Variants in RELN observed in about 807,000 individuals in gnomAD.
The protein encoded by RELN is reelin.
Under a neutral mutation model 427.6 loss-of-function variants are expected in RELN, and 108 were observed. The observed-to-expected ratio is 0.25, with a 90% CI of 0.22 to 0.30. The LOEUF (loss-of-function observed/expected upper bound fraction) is 0.30. RELN is among the 10% of genes least tolerant of loss of function. RELN has a pLI of 1.00. For missense variants in RELN, 3,715 were observed against 4,302.8 expected, an observed-to-expected ratio of 0.86 and a Z score of 3.82; for synonymous variants, 1,524 against 1,513.4, an observed-to-expected ratio of 1.01 and a Z score of -0.16.
intron 2 of RELN, among the ~76,000 whole-genome samples, chr7:103,890,065 A>C (rs2237646): frequency 0.27 from 41,497 of 151,928 alleles, 5,909 homozygotes; most frequent in East Asian, 0.4. Context: ...CAGCCCTTCC[A>C]TGGCACCTCT....
intron 3 of RELN, among the ~76,000 whole-genome samples, chr7:103,789,588 A>G (rs1792106834): frequency 6.6e-6 from 1 of 152,236 alleles, no homozygotes. Context: ...AAAAAAGCTC[A>G]TCATCACTGG....
At chr7:103,688,226 G>A (rs1348658120) in intron 10 of RELN, among the ~76,000 whole-genome samples, 3 of 151,994 alleles carry the variant, frequency 2.0e-5, no homozygotes, top group Admixed American at 1.3e-4. Context: ...TGGGAACATG[G>A]GCTAGCCACA....
At chr7:103,853,320 ATT>A (rs773341729) in intron 2 of RELN, among the ~76,000 whole-genome samples, 10 of 152,186 alleles carry the variant, frequency 6.6e-5, no homozygotes, top group Non-Finnish European at 8.8e-5. Flanking sequence ...TGTAAATTTA[ATT>A]TTGTTTCTCC....
intron 28 of RELN, among the ~76,000 whole-genome samples, chr7:103,579,599 C>CA (rs34750174): frequency 0.061 from 3,945 of 64,650 alleles, 125 homozygotes; most frequent in African/African-American, 0.13. Flanking sequence ...ACTCCATCTC[C>CA]AAAAAAAAAA....
At chr7:103,905,742 T>C (rs1795190072) in intron 2 of RELN, among the ~76,000 whole-genome samples, 1 of 150,702 alleles carries the variant, frequency 6.6e-6, no homozygotes, top group African/African-American at 2.4e-5. Flanking sequence ...AGGTTATCTC[T>C]TTGTCTTCGA....
At chr7:103,850,452 G>A (rs1056969121) in intron 2 of RELN, among the ~76,000 whole-genome samples, 3 of 152,172 alleles carry the variant, frequency 2.0e-5, no homozygotes, top group East Asian at 1.9e-4. Context: ...CTGGGAGCTC[G>A]CTGGGTTGCC....
chr7:103,989,522 C>A lies in RELN; in HGVS notation c.-166G>T. On this transcript the variant is annotated 5_prime_UTR_variant, in exon 1 of 65. Coordinates refer to ENST00000428762, the MANE Select transcript of RELN (RefSeq NM_005045.4). The surrounding 1 kb of genome is among the most constrained non-coding windows in gnomAD (Gnocchi z 4.9). ...GGGAGCGGGCCCCCGCCGAGAAGTT[C>A]CGCGGGAGACGGCGGCTCCCAAAGT... 3.8e-6 allele frequency: 2 copies of A among 530,768 alleles called. No homozygotes were observed. Among genetic ancestry groups the A allele is most frequent in the South Asian group, 5.3e-5 (1 of 18,726 alleles). The allele number at this position is 530,768 out of a possible 1,614,324, so 32.9% of individuals were successfully genotyped here.
At chr7:103,645,350 A>G (rs1266203658) in intron 16 of RELN, among the ~76,000 whole-genome samples, 1 of 151,848 alleles carries the variant, frequency 6.6e-6, no homozygotes, top group African/African-American at 2.4e-5. Flanking sequence ...ATGGATTAAA[A>G]AACACAATCC....
chr7:103,949,382 T>TA (rs11374878), intron 1 of RELN, among the ~76,000 whole-genome samples: 77,024 of 148,842 alleles, frequency 0.52, 20,106 homozygotes, highest in East Asian at 0.71. Context: ...ACTTTGAACT[T>TA]AAAAAAAAAA....
chr7:103,702,400 A>C (rs1429868774), intron 8 of RELN, among the ~76,000 whole-genome samples: 3 of 152,240 alleles, frequency 2.0e-5, no homozygotes, highest in Non-Finnish European at 2.9e-5. Context: ...AAGCAAATGT[A>C]TAAGGTAAAT....
chr7:103,979,043 G>A (rs140346168), intron 1 of RELN, among the ~76,000 whole-genome samples: 31 of 152,290 alleles, frequency 2.0e-4, no homozygotes, highest in African/African-American at 7.5e-4. Flanking sequence ...TTTTGGTGAT[G>A]TTTGTATAAA....
chr7:103,472,643 A>G lies in RELN; in HGVS notation c.*169T>C, dbSNP rs1827892648. 3 of 622,732 alleles carry G rather than the reference A, an allele frequency of 4.8e-6. No individual in the cohort carries two copies. The highest frequency in any genetic ancestry group is 8.7e-6 in the Non-Finnish European group (3 of 344,724). 38.6% of individuals were successfully genotyped at this position (622,732 alleles called of 1,614,324 possible). ...CTTATGAGCAAATAAGTCACTTGTCATTAGTTCACAGTGTGGGAAAGTGGT... is the reference window on the plus strand; with the variant it reads ...CTTATGAGCAAATAAGTCACTTGTCGTTAGTTCACAGTGTGGGAAAGTGGT... On this transcript the variant is annotated 3_prime_UTR_variant, in exon 65 of 65. Transcript: ENST00000428762.
At chr7:103,963,413 A>C (rs1796601607) in intron 1 of RELN, among the ~76,000 whole-genome samples, 1 of 152,172 alleles carries the variant, frequency 6.6e-6, no homozygotes. Context: ...GGCTTAATGA[A>C]GTTCACTTCA....
chr7:103,835,952 CCCT>C (rs1793390699), intron 2 of RELN, among the ~76,000 whole-genome samples: 1 of 117,962 alleles, frequency 8.5e-6, no homozygotes, highest in Admixed American at 8.5e-5. Flanking sequence ...CTCTCAATTA[CCCT>C]TTTTTTTTTT....
At chr7:103,870,983 C>T (rs1029109205) in intron 2 of RELN, among the ~76,000 whole-genome samples, 1 of 152,126 alleles carries the variant, frequency 6.6e-6, no homozygotes, top group Non-Finnish European at 1.5e-5. Context: ...CTCCTGCTCA[C>T]TGCTCTGCAG....
chr7:103,555,236 C>T (rs1229225045), intron 38 of RELN, among the ~76,000 whole-genome samples: 2 of 152,040 alleles, frequency 1.3e-5, no homozygotes, highest in African/African-American at 4.8e-5. Context: ...TAAGTCCATG[C>T]CAAGCAGGAA....
chr7:103,908,011 T>C (rs1795255605), intron 2 of RELN, among the ~76,000 whole-genome samples: 1 of 152,224 alleles, frequency 6.6e-6, no homozygotes, highest in African/African-American at 2.4e-5. Context: ...TGTGTCCATG[T>C]GTTCTCATTG....
chr7:103,779,566 C>T (rs1194246211), intron 3 of RELN, among the ~76,000 whole-genome samples: 1 of 152,130 alleles, frequency 6.6e-6, no homozygotes, highest in African/African-American at 2.4e-5. Context: ...AAATGTCACA[C>T]CACTGGTGGC....
chr7:103,503,040 G>A lies in RELN; in HGVS notation c.8465C>T (p.Pro2822Leu), dbSNP rs1584240991. The A allele has an allele frequency of 6.2e-7, 1 of 1,614,062 alleles. No homozygotes were observed. Among genetic ancestry groups the A allele is most frequent in the East Asian group, 2.2e-5 (1 of 44,872 alleles). ...PTKGWKRITY[P>L]LPESLVGNPV... ...CTTTCCCACTAAGCTTTCAGGAAGT[G>A]GGTAGGTGATCCTTTTCCACCCTTT... Residue 2822 changes from proline (P) to leucine (L), a missense_variant, in exon 52 of 65, where the codon CCA (proline) becomes CTA (leucine). Coordinates refer to ENST00000428762, the MANE Select transcript of RELN (RefSeq NM_005045.4).
Sources: allele counts gnomAD v4.1 joint callset (sites outside exome capture counted in the v4.1 genomes callset), GRCh38; gene constraint gnomAD v4.1.1; non-coding constraint Gnocchi (gnomAD v3.1); transcripts MANE v1.5; gene names NCBI Gene and HGNC (gene_info 2026-07-23, HGNC 2026-07-21).